Variants in TRIM55 observed in about 807,000 individuals in gnomAD.
The protein encoded by TRIM55 is tripartite motif containing 55.
Under a neutral mutation model 60.9 loss-of-function variants are expected in TRIM55, and 50 were observed. The ratio of observed to expected loss-of-function variants is 0.82; its 90% CI spans 0.65 to 1.04. The LOEUF (loss-of-function observed/expected upper bound fraction) is 1.04. Among genes scored for constraint, TRIM55 ranks in the 50% least tolerant of loss-of-function variants. The pLI is 0.00. For synonymous variants in TRIM55, 237 were observed against 238.1 expected (o/e 1.00, Z 0.04); for missense variants, 681 against 666.9 (o/e 1.02, Z -0.23).
intron 7 of TRIM55, 97 bp downstream of exon 7, chr8:66,150,563 A>G: frequency 7.2e-7 from 1 of 1,394,344 alleles, no homozygotes; most frequent in South Asian, 1.2e-5. Flanking sequence ...AATCACCTCC[A>G]GAATCAATGT....
intron 9 of TRIM55, chr8:66,155,807 C>A: frequency 2.3e-6 from 2 of 862,418 alleles, no homozygotes; most frequent in Non-Finnish European, 3.6e-6. Context: ...CTCCCCAAAT[C>A]TTGAGGCTCA....
upstream of TRIM55, among the ~76,000 whole-genome samples, chr8:66,124,393 G>A (rs1033587215): frequency 5.9e-5 from 9 of 152,202 alleles, no homozygotes; most frequent in Non-Finnish European, 1.3e-4. Context: ...CAATGCTTGA[G>A]CGCGTGCCTG....
At chr8:66,132,642 A>G (rs750970687) in intron 2 of TRIM55, among the ~76,000 whole-genome samples, 1 of 152,148 alleles carries the variant, frequency 6.6e-6, no homozygotes, top group Non-Finnish European at 1.5e-5. Flanking sequence ...CTGGGCCCTG[A>G]CCACAGCTGT....
At chr8:66,140,889 A>T (rs541919436) in intron 4 of TRIM55, among the ~76,000 whole-genome samples, 1 of 152,284 alleles carries the variant, frequency 6.6e-6, no homozygotes, top group African/African-American at 2.4e-5. Context: ...GTTGTTAAAG[A>T]ATTCTCTTTT....
At chr8:66,153,884 C>G (rs1810576518) in intron 8 of TRIM55, among the ~76,000 whole-genome samples, 163 bp from the exon 9 acceptor site, 1 of 152,164 alleles carries the variant, frequency 6.6e-6, no homozygotes, top group Non-Finnish European at 1.5e-5. Context: ...ACCATTCTGC[C>G]CTTAGCGCTT....
the TRIM55 span, among the ~76,000 whole-genome samples, chr8:66,116,879 C>T: frequency 2.6e-5 from 4 of 152,160 alleles, no homozygotes; most frequent in Non-Finnish European, 4.4e-5. Context: ...ACCAATATAG[C>T]TTATGAATGT....
At chr8:66,148,653 AATGTT>A (rs1349439964) in intron 4 of TRIM55, among the ~76,000 whole-genome samples, 1 of 152,206 alleles carries the variant, frequency 6.6e-6, no homozygotes, top group Non-Finnish European at 1.5e-5. Context: ...AGGATAGTAG[AATGTT>A]ATGAGAGAAA....
intron 7 of TRIM55, among the ~76,000 whole-genome samples, chr8:66,151,464 C>T (rs1428380108): frequency 6.6e-6 from 1 of 152,200 alleles, no homozygotes; most frequent in African/African-American, 2.4e-5. Flanking sequence ...CCAACATCCA[C>T]AGACAAAATT....
intron 4 of TRIM55, among the ~76,000 whole-genome samples, chr8:66,143,147 C>G (rs1480906551): frequency 1.3e-5 from 2 of 152,154 alleles, no homozygotes; most frequent in Non-Finnish European, 2.9e-5. Context: ...CTAATCAAGC[C>G]ACAGTTGCTC....
chr8:66,119,152 T>A, the TRIM55 span, among the ~76,000 whole-genome samples: 1 of 152,202 alleles, frequency 6.6e-6, no homozygotes, highest in Non-Finnish European at 1.5e-5. Context: ...TGCCTCCACA[T>A]CCACATCATC....
At chr8:66,133,097 C>G (rs1164098547) in intron 2 of TRIM55, among the ~76,000 whole-genome samples, 1 of 152,084 alleles carries the variant, frequency 6.6e-6, no homozygotes, top group East Asian at 1.9e-4. Context: ...GGGGAAGAAG[C>G]CTTTGACCAG....
intron 9 of TRIM55, among the ~76,000 whole-genome samples, chr8:66,170,150 T>A (rs1811542861): frequency 6.6e-6 from 1 of 152,188 alleles, no homozygotes; most frequent in Non-Finnish European, 1.5e-5. Context: ...TTCTGTAGTG[T>A]TAAGTATATT....
intron 9 of TRIM55, among the ~76,000 whole-genome samples, chr8:66,165,419 A>G (rs184760418): frequency 9.7e-4 from 148 of 152,254 alleles, no homozygotes; most frequent in Non-Finnish European, 1.7e-3. Flanking sequence ...AGATATTACA[A>G]AGCATTAAAA....
At chr8:66,153,783 C>G (rs1810571504) in intron 8 of TRIM55, among the ~76,000 whole-genome samples, 1 of 152,156 alleles carries the variant, frequency 6.6e-6, no homozygotes, top group African/African-American at 2.4e-5. Flanking sequence ...GGTTTCTGCT[C>G]TCTGCCTGCC....
At chr8:66,170,563 A>G (rs1042370424) in intron 9 of TRIM55, among the ~76,000 whole-genome samples, 2 of 152,288 alleles carry the variant, frequency 1.3e-5, no homozygotes, top group African/African-American at 4.8e-5. Flanking sequence ...TGTTTCTGTG[A>G]ACATGGCAAG....
chr8:66,157,211 G>GGGTGGGGCA (rs1480385942), intron 9 of TRIM55, among the ~76,000 whole-genome samples: 1 of 152,172 alleles, frequency 6.6e-6, no homozygotes. Context: ...AGGGAGAGGA[G>GGGTGGGGCA]GGTGGGGCAG....
At chr8:66,118,610 T>C in the TRIM55 span, among the ~76,000 whole-genome samples, 1 of 152,206 alleles carries the variant, frequency 6.6e-6, no homozygotes, top group Non-Finnish European at 1.5e-5. Flanking sequence ...TTCTGGGTTA[T>C]ATTTTTTGGA....
At chr8:66,138,635 C>T (rs931993070) in intron 4 of TRIM55, among the ~76,000 whole-genome samples, 2 of 152,168 alleles carry the variant, frequency 1.3e-5, no homozygotes, top group East Asian at 1.9e-4. Context: ...CTGATCTGCC[C>T]GCCTCGGACT....
chr8:66,137,151 A>T lies in TRIM55; in HGVS notation c.564A>T (p.Gly188=). The change falls in exon 4 of 10, where the codon GGA becomes GGT. Residue 188 remains glycine (G), a synonymous_variant. Transcript: ENST00000315962. The stretch of plus-strand genomic sequence containing the variant: ...TGGGCAGCAACGATCGAGTCCAGGG[A>T]GTGATCAGCCAGCTGGAAGACACCT... ...ILVGSNDRVQ[G]VISQLEDTCK... is the part of the protein sequence containing the mutation. 6.2e-7 allele frequency: 1 copy of T among 1,614,144 alleles called. No homozygotes were observed. Among genetic ancestry groups the T allele is most frequent in the Non-Finnish European group, 8.5e-7 (1 of 1,180,020 alleles).
Sources: allele counts gnomAD v4.1 joint callset (sites outside exome capture counted in the v4.1 genomes callset), GRCh38; gene constraint gnomAD v4.1.1; transcripts MANE v1.5; gene names NCBI Gene and HGNC (gene_info 2026-07-23, HGNC 2026-07-21).